The following TBC1D14 variants were observed in gnomAD, a reference collection of about 807,000 sequenced individuals.
The protein encoded by TBC1D14 is TBC1 domain family, member 14.
In TBC1D14, 26 loss-of-function variants were observed where a neutral mutation model predicts 79.0. The observed-to-expected ratio is 0.33, with a 90% CI of 0.24 to 0.46. The LOEUF is 0.46. TBC1D14 is among the 20% of genes least tolerant of loss of function. The pLI is 1.00. For synonymous variants in TBC1D14, 394 were observed against 349.9 expected (o/e 1.13, Z -1.40); for missense variants, 769 against 887.6 (o/e 0.87, Z 1.70).
intron 1 of TBC1D14, among the ~76,000 whole-genome samples, chr4:6,915,127 T>A (rs1264124339): frequency 6.6e-6 from 1 of 152,212 alleles, no homozygotes; most frequent in Non-Finnish European, 1.5e-5. Context: ...AGGTGCCCCA[T>A]TGCCCAGTGG....
chr4:7,018,878 T>C (rs958054325), intron 12 of TBC1D14, among the ~76,000 whole-genome samples: 2 of 152,250 alleles, frequency 1.3e-5, no homozygotes, highest in African/African-American at 4.8e-5. Flanking sequence ...GGCAGAATTA[T>C]CTAGAGGTGT....
intron 4 of TBC1D14, 120 bp from the exon 5 acceptor site, chr4:6,996,204 TA>T: frequency 4.0e-6 from 3 of 752,232 alleles, no homozygotes; most frequent in Non-Finnish European, 4.5e-6. Flanking sequence ...TGTGTAATCT[TA>T]AAAAAATGAG....
intron 9 of TBC1D14, among the ~76,000 whole-genome samples, chr4:7,008,934 TC>T (rs988748224): frequency 4.6e-5 from 7 of 152,224 alleles, no homozygotes; most frequent in African/African-American, 1.7e-4. Context: ...CTGCAGACCG[TC>T]ACCCCCACCC....
At chr4:6,985,018 G>T (rs764233264) in intron 3 of TBC1D14, among the ~76,000 whole-genome samples, 1 of 152,130 alleles carries the variant, frequency 6.6e-6, no homozygotes, top group African/African-American at 2.4e-5. Context: ...TTTTGCCCTC[G>T]CCTGGGCAAT....
chr4:6,981,769 C>T (rs1333384467), intron 3 of TBC1D14, among the ~76,000 whole-genome samples: 1 of 152,138 alleles, frequency 6.6e-6, no homozygotes, highest in African/African-American at 2.4e-5. Context: ...TAAAGAAAAC[C>T]ACACGATCCT....
chr4:6,991,198 C>T (rs994547622), intron 3 of TBC1D14, among the ~76,000 whole-genome samples: 18 of 152,218 alleles, frequency 1.2e-4, no homozygotes, highest in African/African-American at 3.6e-4. Context: ...GCATTTGACC[C>T]TGCGTCTCTG....
chr4:7,013,845 G>T (rs1049915538), intron 11 of TBC1D14, among the ~76,000 whole-genome samples: 3 of 151,810 alleles, frequency 2.0e-5, no homozygotes, highest in Non-Finnish European at 4.4e-5. Flanking sequence ...CCGGGTTCAC[G>T]CCATTCTCCT....
chr4:6,985,769 C>T (rs114630542), intron 3 of TBC1D14, among the ~76,000 whole-genome samples: 2 of 152,082 alleles, frequency 1.3e-5, no homozygotes, highest in Non-Finnish European at 2.9e-5. Flanking sequence ...AAAGAATAAC[C>T]CCTACTCCTG....
chr4:6,939,133 G>A (rs374884474), intron 2 of TBC1D14, among the ~76,000 whole-genome samples: 12 of 152,206 alleles, frequency 7.9e-5, no homozygotes, highest in South Asian at 4.1e-4. Flanking sequence ...GGGGCAAGTC[G>A]CTTTGCAGAC....
At position 6,965,717 on chromosome 4, in the gene TBC1D14, T is replaced by G. The variant is rs75714804; in HGVS notation, c.723-1587T>G. Among the ~76,000 whole-genome samples, 478 of 152,284 alleles carry G rather than the reference T, an allele frequency of 3.1e-3. 1 individual carries two copies. The highest frequency in any genetic ancestry group is 0.011 in the African/African-American group (454 of 41,552). ...CCGTACCTGGCTAATTTAAAAAGATTATGTGTAGAGACAGAGTCTCACTAC... is the reference window on the plus strand; with the variant it reads ...CCGTACCTGGCTAATTTAAAAAGATGATGTGTAGAGACAGAGTCTCACTAC... On this transcript the variant is annotated intron_variant, in intron 2 of 13. Transcript: ENST00000409757.
At chr4:6,925,799 C>G (rs1257166040) in intron 2 of TBC1D14, among the ~76,000 whole-genome samples, 3 of 152,158 alleles carry the variant, frequency 2.0e-5, no homozygotes, top group Non-Finnish European at 4.4e-5. Flanking sequence ...GGCGGAACTT[C>G]CCCGTGCTCA....
rs574722493 is a variant in TBC1D14 at position 6,994,694 on chromosome 4, A to G, written c.962+392A>G. Among the ~76,000 whole-genome samples, 8 of 152,196 alleles carry G rather than the reference A, an allele frequency of 5.3e-5. No individual in the cohort carries two copies. In the East Asian group the frequency reaches 1.2e-3, roughly 22 times the overall value. On this transcript the variant is annotated intron_variant, in intron 4 of 13. Transcript: ENST00000409757. Reference sequence around the variant, plus strand: ...GAAACCCTGTCTCTACTAAAAATACAAAATACTAAAAATACAAAAAAATAG... The same window carrying G: ...GAAACCCTGTCTCTACTAAAAATACGAAATACTAAAAATACAAAAAAATAG...
At chr4:6,938,096 G>T (rs973747168) in intron 2 of TBC1D14, among the ~76,000 whole-genome samples, 1 of 152,184 alleles carries the variant, frequency 6.6e-6, no homozygotes, top group South Asian at 2.1e-4. Flanking sequence ...GGTGGTGGGC[G>T]CTACTTTGCT....
In TBC1D14 at chr4:7,009,814, A is replaced by G. The variant is rs950052049; in HGVS notation, c.1447-63A>G. On this transcript the variant is annotated intron_variant, in intron 9 of 13. Coordinates refer to ENST00000409757, the MANE Select transcript of TBC1D14 (RefSeq NM_020773.3). Reference sequence around the variant, plus strand: ...GCAGCGGCAGCAGTAGTAGTATCAGATGTTCGTCTGAGCACTAACAGTACT... The same window carrying G: ...GCAGCGGCAGCAGTAGTAGTATCAGGTGTTCGTCTGAGCACTAACAGTACT... 7.2e-6 allele frequency: 11 copies of G among 1,518,432 alleles called. No homozygotes were observed. The African/African-American group carries it at 1.4e-4, about 19-fold the overall frequency. The allele number at this position is 1,518,432 out of a possible 1,614,324, so 94.1% of individuals were successfully genotyped here.
chr4:6,978,102 A>G (rs1160768804), intron 3 of TBC1D14, among the ~76,000 whole-genome samples: 211 of 136,568 alleles, frequency 1.5e-3, no homozygotes, highest in Admixed American at 2.8e-3. Context: ...CAGCCGCCCC[A>G]TCCGGGAGGG....
intron 2 of TBC1D14, among the ~76,000 whole-genome samples, chr4:6,943,134 G>A (rs774920976): frequency 6.6e-5 from 10 of 152,154 alleles, no homozygotes; most frequent in Non-Finnish European, 1.3e-4. Flanking sequence ...GCAGGGGAGA[G>A]CGTGTGTAGG....
At chr4:6,945,954 C>A (rs531702713) in intron 2 of TBC1D14, among the ~76,000 whole-genome samples, 21 of 152,016 alleles carry the variant, frequency 1.4e-4, no homozygotes, top group Non-Finnish European at 2.5e-4. Flanking sequence ...TGGGGTGAAA[C>A]CTGCGCCTCA....
At chr4:6,949,868 G>C (rs183108240) in intron 2 of TBC1D14, among the ~76,000 whole-genome samples, 87 of 151,854 alleles carry the variant, frequency 5.7e-4, no homozygotes, top group Non-Finnish European at 1.1e-3. Flanking sequence ...TGACTCGTTG[G>C]GTAGTGTTTG....
intron 3 of TBC1D14, among the ~76,000 whole-genome samples, chr4:6,988,824 A>G (rs937921356): frequency 1.3e-5 from 2 of 148,370 alleles, no homozygotes; most frequent in African/African-American, 5.0e-5. Flanking sequence ...CATAAGTAGC[A>G]TTGATGACCT....
Sources: gnomAD v4.1 joint callset for allele counts (sites outside exome capture counted in the v4.1 genomes callset) on GRCh38, gnomAD v4.1.1 for gene constraint, MANE v1.5 for transcripts, NCBI Gene and HGNC (gene_info 2026-07-23, HGNC 2026-07-21) for gene names.